The following MGAM variants were observed in gnomAD, a reference collection of about 807,000 sequenced individuals.
MGAM encodes maltase-glucoamylase, also known as alpha-1,4-glucosidase.
In MGAM, 253 loss-of-function variants were observed where a neutral mutation model predicts 358.8. The observed-to-expected ratio is 0.71, with a 90% confidence interval of 0.64 to 0.78. MGAM has a LOEUF of 0.78. Ranked by LOEUF, MGAM falls within the 30% of genes least tolerant of loss-of-function variation. The probability of loss-of-function intolerance (pLI) is 0.00; values close to 1 mark genes in which losing one functional copy is unlikely to be tolerated. For synonymous variants in MGAM, 1,105 were observed against 1,227.1 expected, an observed-to-expected ratio of 0.90 and a Z score of 2.08; for missense variants, 3,080 against 3,432.6, an observed-to-expected ratio of 0.90 and a Z score of 2.57.
At chr7:141,988,021 C>G (rs1400583587) in intron 2 of MGAM, among the ~76,000 whole-genome samples, 3 of 152,020 alleles carry the variant, frequency 2.0e-5, no homozygotes, top group African/African-American at 7.2e-5. Flanking sequence ...GGCGTGGTGG[C>G]TCATGCCTTT....
intron 21 of MGAM, 29 bp from the exon 22 acceptor site, chr7:142,047,756 C>CT: frequency 6.3e-7 from 1 of 1,587,418 alleles, no homozygotes; most frequent in Non-Finnish European, 8.6e-7. Context: ...TGACTCCTGT[C>CT]TTTGTGTCTT....
At chr7:142,018,248 G>C (rs1226615494) in intron 3 of MGAM, among the ~76,000 whole-genome samples, 1 of 152,142 alleles carries the variant, frequency 6.6e-6, no homozygotes, top group African/African-American at 2.4e-5. Context: ...GTAGGATTCA[G>C]CTCTTCAGGT....
Position 142,062,566 on chromosome 7 carries a change from A to G in MGAM, c.4123-2A>G. 1 of 1,556,506 alleles carries G rather than the reference A, an allele frequency of 6.4e-7. No homozygotes were observed. Among genetic ancestry groups the G allele is most frequent in the Non-Finnish European group, 8.7e-7 (1 of 1,156,008 alleles). On this transcript the variant is annotated splice_acceptor_variant, in intron 34 of 70. Coordinates refer to ENST00000475668, the MANE Select transcript of MGAM (RefSeq NM_001365693.1). LOFTEE classifies it high-confidence loss of function. ...CAAAGAAATTATATTTCTTTTTTAT[A>G]GCTATATCGAGCTTATGTGGCCTTC...
chr7:142,040,321 T>C (rs910973191), intron 20 of MGAM, 150 bp downstream of exon 20: 4 of 667,054 alleles, frequency 6.0e-6, no homozygotes, highest in Non-Finnish European at 7.8e-6. Flanking sequence ...CTGGGTAAAG[T>C]TAACCTAAAC....
intron 3 of MGAM, among the ~76,000 whole-genome samples, chr7:142,014,627 G>A (rs1805830370): frequency 6.6e-6 from 1 of 151,980 alleles, no homozygotes; most frequent in Non-Finnish European, 1.5e-5. Flanking sequence ...CTCTTTAGAA[G>A]TAACCACACT....
Position 142,043,576 on chromosome 7 carries a change from G to A in MGAM, c.2498+2730G>A, listed in dbSNP as rs1462746753. Among the ~76,000 whole-genome samples, 22 of 60,994 alleles carry A rather than the reference G, an allele frequency of 3.6e-4. 8 individuals carry two copies. Among genetic ancestry groups the A allele is most frequent in the Non-Finnish European group, 5.0e-4 (17 of 33,836 alleles). The allele number at this position is 60,994 out of a possible 152,430, so 40.0% of individuals were successfully genotyped here. A position where few individuals can be genotyped will look rare whatever the true frequency, so the allele number is the denominator to read the frequency against. Reference sequence around the variant, plus strand: ...AAATATATATATTATATATACATATGATATCTAAATATATAATATATACAT... The same window carrying A: ...AAATATATATATTATATATACATATAATATCTAAATATATAATATATACAT... On this transcript the variant is annotated intron_variant, in intron 21 of 70. Transcript: ENST00000475668.
At chr7:141,994,709 A>G (rs1316712187), upstream of MGAM, among the ~76,000 whole-genome samples, 3 of 152,168 alleles carry the variant, frequency 2.0e-5, no homozygotes, top group South Asian at 2.1e-4. Flanking sequence ...GGATCCCCCT[A>G]TGCTGTTCTC....
chr7:142,030,705 A>G lies in MGAM; in HGVS notation c.1418A>G (p.Asp473Gly). 1 of 1,613,082 alleles carries G rather than the reference A, an allele frequency of 6.2e-7. No individual in the cohort carries two copies. The highest frequency in any genetic ancestry group is 8.5e-7 in the Non-Finnish European group (1 of 1,179,230). The stretch of plus-strand genomic sequence containing the variant: ...TATGGCCCATATGACAGGGGTTCAG[A>G]TATGAAGATATGGGTGAATAGTTCA... ...KPYGPYDRGS[D>G]MKIWVNSSDG... The change falls in exon 12 of 71, where the codon GAT becomes GGT. Residue 473 changes from aspartate to glycine, a missense_variant. Transcript: ENST00000475668.
intron 10 of MGAM, 142 bp downstream of exon 10, chr7:142,027,877 A>C: frequency 1.1e-6 from 1 of 891,804 alleles, no homozygotes; most frequent in Non-Finnish European, 1.5e-6. Flanking sequence ...AGAATACTAG[A>C]CATTTTTTTT....
intron 24 of MGAM, among the ~76,000 whole-genome samples, chr7:142,051,946 G>A (rs1811016120): frequency 6.6e-6 from 1 of 152,176 alleles, no homozygotes; most frequent in Non-Finnish European, 1.5e-5. Context: ...GCATTGGAGA[G>A]CAAGAGGATC....
At chr7:142,008,431 G>A (rs1319247504) in intron 2 of MGAM, 75 bp from the exon 3 acceptor site, 1 of 1,441,820 alleles carries the variant, frequency 6.9e-7, no homozygotes, top group East Asian at 2.5e-5. Context: ...GAGTTAATTG[G>A]AGGTGTTGAG....
intron 3 of MGAM, among the ~76,000 whole-genome samples, chr7:142,018,228 G>C (rs1554456926): frequency 2.6e-5 from 4 of 152,188 alleles, no homozygotes; most frequent in Non-Finnish European, 2.9e-5. Context: ...GCTCACTCAT[G>C]CAATTGTTGG....
chr7:142,079,939 G>A (rs1229768087), intron 49 of MGAM, among the ~76,000 whole-genome samples: 2 of 146,316 alleles, frequency 1.4e-5, no homozygotes, highest in African/African-American at 4.9e-5. Flanking sequence ...AACTTCCTTG[G>A]AGTTCTAGCC....
At chr7:142,044,188 A>G (rs183711813) in intron 21 of MGAM, among the ~76,000 whole-genome samples, 1,547 of 134,484 alleles carry the variant, frequency 0.012, 177 homozygotes, top group African/African-American at 0.032. Context: ...CACATACGAC[A>G]TATAATATAT....
At chr7:142,045,165 A>C (rs1809930567) in intron 21 of MGAM, among the ~76,000 whole-genome samples, 2 of 85,826 alleles carry the variant, frequency 2.3e-5, no homozygotes. Context: ...GATATATAAT[A>C]TATATATTAT....
Position 142,021,048 on chromosome 7 carries a change from G to A in MGAM, c.523G>A (p.Ala175Thr). The change falls in exon 5 of 71, where the codon GCA becomes ACA. Residue 175 changes from alanine to threonine, a missense_variant. Physicochemically the swap from Ala to Thr is moderately conservative, Grantham distance 58. Transcript: ENST00000475668. ...CAATGTTGACAATGTTCTTCTCACA[G>A]CAGAATATCAGACATCTAATCGTTT... ...GSNVDNVLLT[A>T]EYQTSNRFHF... The A allele has an allele frequency of 6.2e-7, 1 of 1,612,852 alleles. No individual in the cohort carries two copies. The highest frequency in any genetic ancestry group is 8.5e-7 in the Non-Finnish European group (1 of 1,179,354).
chr7:141,998,779 G>A (rs1554449670), intron 1 of MGAM, among the ~76,000 whole-genome samples: 1 of 152,062 alleles, frequency 6.6e-6, no homozygotes, highest in African/African-American at 2.4e-5. Context: ...CCCTGTAATG[G>A]GATTGCTGGG....
At chr7:142,060,408 G>C in intron 34 of MGAM, 35 bp downstream of exon 34, 1 of 1,607,622 alleles carries the variant, frequency 6.2e-7, no homozygotes, top group Non-Finnish European at 8.5e-7. Context: ...GTGGAGTCAG[G>C]GTTTGTAGGC....
Position 142,096,326 on chromosome 7 carries a change from T to G in MGAM, c.7608-5T>G, listed in dbSNP as rs370028468. 6 of 1,612,734 alleles carry G rather than the reference T, an allele frequency of 3.7e-6. No homozygotes were observed. Among genetic ancestry groups the G allele is most frequent in the Non-Finnish European group, 5.1e-6 (6 of 1,178,852 alleles). On this transcript the variant is annotated splice_polypyrimidine_tract_variant and splice_region_variant and intron_variant, in intron 64 of 70. Transcript: ENST00000475668. Reference sequence around the variant, plus strand: ...TCTGTTGGGCACCTTCATTTCCCTTTCCAGGTTTGTGTCAGACCAGGTGAC... The same window carrying G: ...TCTGTTGGGCACCTTCATTTCCCTTGCCAGGTTTGTGTCAGACCAGGTGAC...
Sources: allele counts gnomAD v4.1 joint callset (sites outside exome capture counted in the v4.1 genomes callset), GRCh38; gene constraint gnomAD v4.1.1; transcripts MANE v1.5; gene names NCBI Gene and HGNC (gene_info 2026-07-23, HGNC 2026-07-21).